WASHC2A: variants seen among roughly 807,000 people sequenced by gnomAD.
WASHC2A encodes WASH complex subunit 2A.
Under a neutral mutation model 140.3 loss-of-function variants are expected in WASHC2A, and 82 were observed. The observed-to-expected ratio is 0.58, with a 90% CI of 0.49 to 0.70. The LOEUF is 0.70. WASHC2A is among the 30% of genes least tolerant of loss of function. The pLI, the probability that WASHC2A is intolerant of heterozygous loss-of-function variation, is 0.00. For missense variants in WASHC2A, 985 were observed against 1,521.8 expected (o/e 0.65, Z 5.87); for synonymous variants, 340 against 560.8 (o/e 0.61, Z 5.56).
chr10:50,092,140 A>G, intron 10 of WASHC2A, 22 bp from the exon 11 acceptor site: 2 of 1,504,696 alleles, frequency 1.3e-6, no homozygotes, highest in Non-Finnish European at 1.8e-6. Flanking sequence ...AGTACTATTA[A>G]AACTGTGAAC....
chr10:50,090,553 T>C (rs1157576035), intron 8 of WASHC2A, among the ~76,000 whole-genome samples: 1 of 145,982 alleles, frequency 6.9e-6, no homozygotes, highest in Non-Finnish European at 1.5e-5. Context: ...TATATATATT[T>C]ATATTTTATA....
intron 1 of WASHC2A, 22 bp from the exon 2 acceptor site, chr10:50,068,083 C>A: frequency 6.2e-7 from 1 of 1,608,908 alleles, no homozygotes. Flanking sequence ...CTCAGCTTCT[C>A]TTCTCGTTTT....
intron 28 of WASHC2A, among the ~76,000 whole-genome samples, chr10:50,129,138 A>G (rs1843705360): frequency 6.6e-6 from 1 of 152,206 alleles, no homozygotes; most frequent in Admixed American, 6.5e-5. Context: ...CCAGCAACAG[A>G]TAAAACTTTT....
chr10:50,115,959 T>C (rs1325383090), intron 21 of WASHC2A, among the ~76,000 whole-genome samples: 2 of 151,702 alleles, frequency 1.3e-5, no homozygotes, highest in Admixed American at 6.6e-5. Context: ...CTATTAAAAA[T>C]ACAAAAATTA....
intron 3 of WASHC2A, among the ~76,000 whole-genome samples, chr10:50,075,161 AC>A (rs1838202061): frequency 6.6e-6 from 1 of 151,808 alleles, no homozygotes. Flanking sequence ...TTGTTCTTAA[AC>A]CGTATCATAA....
intron 16 of WASHC2A, among the ~76,000 whole-genome samples, chr10:50,099,372 C>T (rs1264113797): frequency 1.3e-5 from 2 of 150,616 alleles, no homozygotes; most frequent in African/African-American, 4.9e-5. Flanking sequence ...TGGGTTCAAG[C>T]GATTCTCCAG....
intron 3 of WASHC2A, among the ~76,000 whole-genome samples, chr10:50,077,706 T>C (rs112929570): frequency 6.6e-6 from 1 of 152,162 alleles, no homozygotes; most frequent in Non-Finnish European, 1.5e-5. Flanking sequence ...AGGGTCTCAC[T>C]TTTTCACCCA....
intron 6 of WASHC2A, among the ~76,000 whole-genome samples, chr10:50,084,675 C>T (rs1490114112): frequency 5.3e-4 from 80 of 150,398 alleles, no homozygotes; most frequent in Non-Finnish European, 8.8e-4. Context: ...ATGATCTGCC[C>T]GCCTCGGCCT....
chr10:50,098,990 A>G (rs1282503458), intron 16 of WASHC2A, among the ~76,000 whole-genome samples: 1 of 151,992 alleles, frequency 6.6e-6, no homozygotes, highest in Non-Finnish European at 1.5e-5. Context: ...TGCCATTGCT[A>G]AGTTGATCTC....
intron 23 of WASHC2A, among the ~76,000 whole-genome samples, chr10:50,121,143 G>T (rs1283868655): frequency 2.7e-5 from 4 of 150,008 alleles, no homozygotes; most frequent in Admixed American, 2.0e-4. Context: ...TTCTAAGCAG[G>T]CCATGTAGGT....
chr10:50,104,437 G>T (rs1184191217), intron 18 of WASHC2A, among the ~76,000 whole-genome samples: 18 of 150,894 alleles, frequency 1.2e-4, no homozygotes, highest in African/African-American at 4.4e-4. Flanking sequence ...TGCGATCTTG[G>T]CTCACTGCAA....
intron 7 of WASHC2A, among the ~76,000 whole-genome samples, chr10:50,086,067 T>G (rs61856720): frequency 0.3 from 43,016 of 145,316 alleles, 7,646 homozygotes; most frequent in East Asian, 0.64. Flanking sequence ...TTTGAGTTTG[T>G]GGGCCTTGAC....
chr10:50,124,815 A>T lies in WASHC2A; in HGVS notation c.2479-298A>T, dbSNP rs545853233. ...TTTTCTAATAAAAAATTTAGATACT[A>T]TACAAAGTTTATATAATATATATAA... On this transcript the variant is annotated intron_variant, in intron 23 of 30. Transcript: ENST00000282633. Among the ~76,000 whole-genome samples the T allele has an allele frequency of 1.2e-3, 186 of 151,218 alleles. 1 individual carries two copies. The highest frequency in any genetic ancestry group is 3.4e-3 in the Middle Eastern group (1 of 292).
intron 24 of WASHC2A, 52 bp downstream of exon 24, chr10:50,125,293 G>A (rs1277578729): frequency 2.3e-5 from 36 of 1,597,186 alleles, no homozygotes; most frequent in Non-Finnish European, 3.0e-5. Flanking sequence ...ATTGGGTGCT[G>A]TCTCAACAGC....
intron 3 of WASHC2A, among the ~76,000 whole-genome samples, chr10:50,072,371 T>C (rs1837921415): frequency 6.6e-6 from 1 of 152,138 alleles, no homozygotes; most frequent in Non-Finnish European, 1.5e-5. Flanking sequence ...GGCCACATGC[T>C]ATAGGTTTTT....
At chr10:50,083,018 G>A (rs1839048882) in intron 5 of WASHC2A, among the ~76,000 whole-genome samples, 1 of 115,802 alleles carries the variant, frequency 8.6e-6, no homozygotes. Context: ...TTTATTTTGA[G>A]TCAGAGTTTC....
intron 27 of WASHC2A, 41 bp downstream of exon 27, chr10:50,127,263 A>T (rs1315573268): frequency 2.6e-5 from 42 of 1,611,780 alleles, no homozygotes; most frequent in Non-Finnish European, 3.3e-5. Flanking sequence ...GCCCTGTGGC[A>T]TCTATAAACT....
At position 50,094,913 on chromosome 10, in the gene WASHC2A, G is replaced by A. The variant is rs1189796838; in HGVS notation, c.1181-235G>A. On this transcript the variant is annotated intron_variant, in intron 13 of 30. Coordinates refer to ENST00000282633, the MANE Select transcript of WASHC2A (RefSeq NM_001005751.3). Reference sequence around the variant, plus strand: ...TGACCCACTGCTGTGGCTTGATGACGGTCAGCATGCTCTTCCATTGGAGTC... The same window carrying A: ...TGACCCACTGCTGTGGCTTGATGACAGTCAGCATGCTCTTCCATTGGAGTC... 5.3e-5 allele frequency among the ~76,000 whole-genome samples: 8 copies of A among 151,390 alleles called. No individual in the cohort carries two copies. The East Asian group carries it at 5.8e-4, about 11-fold the overall frequency.
intron 8 of WASHC2A, among the ~76,000 whole-genome samples, chr10:50,090,511 A>AT (rs1167025824): frequency 0.039 from 2,467 of 62,628 alleles, 40 homozygotes; most frequent in Non-Finnish European, 0.058. Flanking sequence ...TCAAAAAAAA[A>AT]AAAAATATAT....
Sources: gnomAD v4.1 joint callset for allele counts (sites outside exome capture counted in the v4.1 genomes callset) on GRCh38, gnomAD v4.1.1 for gene constraint, MANE v1.5 for transcripts, NCBI Gene and HGNC (gene_info 2026-07-23, HGNC 2026-07-21) for gene names.